Variants in FHIT observed in about 807,000 individuals in gnomAD.
FHIT encodes fragile histidine triad diadenosine triphosphatase, also known as bis(5'-adenosyl)-triphosphatase.
FHIT carries 19 observed loss-of-function variants against 17.9 expected under a neutral mutation model. The ratio of observed to expected loss-of-function variants is 1.06; its 90% CI spans 0.74 to 1.56. The LOEUF is 1.56. FHIT is among the 40% of genes most tolerant of loss of function. FHIT has a pLI of 0.00. For synonymous variants in FHIT, 81 were observed against 69.7 expected (o/e 1.16, Z -0.81); for missense variants, 248 against 189.2 (o/e 1.31, Z -1.82).
intron 2 of FHIT, among the ~76,000 whole-genome samples, chr3:61,154,598 C>T (rs540571977): frequency 1.3e-5 from 2 of 152,296 alleles, no homozygotes; most frequent in Admixed American, 6.5e-5. Context: ...ACCCCCTCTC[C>T]TGCTACTTCT....
At chr3:60,936,675 T>C (rs1195838046) in intron 3 of FHIT, among the ~76,000 whole-genome samples, 1 of 152,180 alleles carries the variant, frequency 6.6e-6, no homozygotes, top group Non-Finnish European at 1.5e-5. Flanking sequence ...AGAGCTAGTG[T>C]GTCTGGTGAC....
At position 60,073,669 on chromosome 3, in the gene FHIT, C is replaced by T. The variant is rs138286643; in HGVS notation, c.104-59517G>A. Among the ~76,000 whole-genome samples the T allele has an allele frequency of 2.9e-3, 438 of 152,184 alleles. 1 individual carries two copies. Among genetic ancestry groups the T allele is most frequent in the Admixed American group, 4.2e-3 (64 of 15,264 alleles). On this transcript the variant is annotated intron_variant, in intron 5 of 9. Transcript: ENST00000492590. Reference sequence around the variant, plus strand: ...CCAAATCTATTTTCTCATGATCTACCGAAGTCACCCTACTAAGTAAGTGTT... The same window carrying T: ...CCAAATCTATTTTCTCATGATCTACTGAAGTCACCCTACTAAGTAAGTGTT...
At chr3:60,407,126 C>T (rs116687402) in intron 5 of FHIT, among the ~76,000 whole-genome samples, 2,382 of 59,048 alleles carry the variant, frequency 0.04, 20 homozygotes, top group Non-Finnish European at 0.057. Flanking sequence ...CTTTTGTTTG[C>T]TTATAATCAA....
chr3:60,112,859 C>T (rs951234215), intron 5 of FHIT, among the ~76,000 whole-genome samples: 3 of 152,176 alleles, frequency 2.0e-5, no homozygotes, highest in Non-Finnish European at 2.9e-5. Flanking sequence ...AATCTCTTTC[C>T]TGGCTATGGC....
intron 2 of FHIT, among the ~76,000 whole-genome samples, chr3:61,135,352 C>T (rs1199104093): frequency 6.6e-6 from 1 of 152,210 alleles, no homozygotes; most frequent in Non-Finnish European, 1.5e-5. Context: ...AGGTCAAGGG[C>T]ATATTAACCA....
intron 3 of FHIT, among the ~76,000 whole-genome samples, chr3:60,987,744 C>T (rs549379806): frequency 1.3e-5 from 2 of 152,246 alleles, no homozygotes; most frequent in East Asian, 3.9e-4. Context: ...CAGTAAGTCC[C>T]CAGTTTAGCT....
chr3:60,113,381 C>G (rs1267461070), intron 5 of FHIT, among the ~76,000 whole-genome samples: 2 of 151,980 alleles, frequency 1.3e-5, no homozygotes, highest in African/African-American at 4.8e-5. Context: ...CCCAGTTAGG[C>G]CAGCTTAGCA....
chr3:60,125,983 C>A (rs966311935), intron 5 of FHIT, among the ~76,000 whole-genome samples: 1 of 152,132 alleles, frequency 6.6e-6, no homozygotes, highest in Non-Finnish European at 1.5e-5. Context: ...CTGTTCTGTG[C>A]TGCAGAAGGC....
At chr3:60,423,697 CT>C (rs1219125869) in intron 5 of FHIT, among the ~76,000 whole-genome samples, 1 of 152,144 alleles carries the variant, frequency 6.6e-6, no homozygotes, top group African/African-American at 2.4e-5. Flanking sequence ...GTTAAAGCTA[CT>C]CACCCCAACT....
intron 1 of FHIT, among the ~76,000 whole-genome samples, chr3:61,212,762 G>A (rs2039526433): frequency 6.6e-6 from 1 of 152,210 alleles, no homozygotes; most frequent in African/African-American, 2.4e-5. Flanking sequence ...GAAAGGTCGG[G>A]TTACCCACAA....
chr3:60,207,577 T>A (rs748246655), intron 5 of FHIT, among the ~76,000 whole-genome samples: 1 of 151,582 alleles, frequency 6.6e-6, no homozygotes, highest in Non-Finnish European at 1.5e-5. Context: ...CACCCCACAG[T>A]CCCCCCGCCG....
intron 5 of FHIT, among the ~76,000 whole-genome samples, chr3:60,529,043 A>C (rs967192695): frequency 8.5e-5 from 13 of 152,356 alleles, no homozygotes; most frequent in African/African-American, 2.6e-4. Context: ...TAAAGCCTGT[A>C]GTAGAAATCT....
chr3:60,468,954 G>C (rs1308601602), intron 5 of FHIT, among the ~76,000 whole-genome samples: 2 of 152,086 alleles, frequency 1.3e-5, no homozygotes, highest in African/African-American at 2.4e-5. Context: ...TTGTAGGTTA[G>C]AAGATTTTTT....
At chr3:60,315,995 T>C (rs980178650) in intron 5 of FHIT, among the ~76,000 whole-genome samples, 2 of 152,224 alleles carry the variant, frequency 1.3e-5, no homozygotes, top group African/African-American at 2.4e-5. Flanking sequence ...TCCTTCCATA[T>C]TGACCTTTCC....
intron 3 of FHIT, among the ~76,000 whole-genome samples, chr3:60,831,894 G>A (rs548999991): frequency 7.2e-4 from 110 of 152,140 alleles, no homozygotes; most frequent in Middle Eastern, 6.8e-3. Flanking sequence ...GCAATAGGGC[G>A]CTAAGATTTA....
At position 60,709,006 on chromosome 3, in the gene FHIT, C is replaced by A. The variant is rs764278508; in HGVS notation, c.-18+112913G>T. On this transcript the variant is annotated intron_variant, in intron 4 of 9. Transcript: ENST00000492590. ...TTGCAAGGCAGAGCATTCTATGGAA[C>A]GTACTTTAGAGAATGTTTCTCTAGG... is the stretch of plus-strand genomic sequence containing the variant. 2.6e-5 allele frequency among the ~76,000 whole-genome samples: 4 copies of A among 152,216 alleles called. No individual in the cohort carries two copies. In the East Asian group the frequency reaches 7.8e-4, roughly 29 times the overall value.
intron 3 of FHIT, among the ~76,000 whole-genome samples, chr3:60,897,608 C>A (rs944174676): frequency 1.4e-4 from 22 of 152,192 alleles, no homozygotes; most frequent in African/African-American, 5.3e-4. Flanking sequence ...CCTCATTACA[C>A]TATACATGGG....
intron 3 of FHIT, among the ~76,000 whole-genome samples, chr3:61,021,524 G>A (rs1314753177): frequency 1.2e-4 from 18 of 145,272 alleles, no homozygotes; most frequent in East Asian, 4.0e-4. Context: ...GCGTGAACCC[G>A]GGAGGCGGAG....
At chr3:60,626,805 C>CTTTTT (rs34696094) in intron 4 of FHIT, among the ~76,000 whole-genome samples, 14 of 136,094 alleles carry the variant, frequency 1.0e-4, no homozygotes, top group African/African-American at 3.0e-4. Context: ...TTTTTTTTTA[C>CTTTTT]GTTAAGTATG....
Sources: gnomAD v4.1 joint callset for allele counts (sites outside exome capture counted in the v4.1 genomes callset) on GRCh38, gnomAD v4.1.1 for gene constraint, MANE v1.5 for transcripts, NCBI Gene and HGNC (gene_info 2026-07-23, HGNC 2026-07-21) for gene names.